Variants in ADAMTS6 observed in about 807,000 individuals in gnomAD.
The protein encoded by ADAMTS6 is ADAM metallopeptidase with thrombospondin type 1 motif 6, also known as A disintegrin and metalloproteinase with thrombospondin motifs 6.
A neutral mutation model predicts 144.3 loss-of-function variants in ADAMTS6; 23 were observed. The ratio of observed to expected loss-of-function variants is 0.16; its 90% CI spans 0.11 to 0.23. The LOEUF (loss-of-function observed/expected upper bound fraction) is 0.23. ADAMTS6 is among the 10% of genes least tolerant of loss of function. ADAMTS6 has a pLI of 1.00. For missense variants in ADAMTS6, 999 were observed against 1,379.6 expected (o/e 0.72, Z 4.37); for synonymous variants, 444 against 457.5 (o/e 0.97, Z 0.38).
chr5:65,367,296 T>C (rs1750392997), intron 7 of ADAMTS6, among the ~76,000 whole-genome samples: 1 of 152,154 alleles, frequency 6.6e-6, no homozygotes, highest in East Asian at 1.9e-4. Flanking sequence ...AGAGCATTCT[T>C]TATCCTGAGC....
At chr5:65,375,825 G>A (rs1370700199) in intron 7 of ADAMTS6, among the ~76,000 whole-genome samples, 2 of 152,018 alleles carry the variant, frequency 1.3e-5, no homozygotes, top group Non-Finnish European at 2.9e-5. Context: ...TGTTTATTAC[G>A]GCATTATTCA....
chr5:65,428,227 A>G (rs1485773239), intron 7 of ADAMTS6, among the ~76,000 whole-genome samples: 1 of 143,768 alleles, frequency 7.0e-6, no homozygotes, highest in East Asian at 2.0e-4. Flanking sequence ...CTCCATCTCA[A>G]AAAAAAAAAA....
At chr5:65,419,574 GA>G (rs1276691722) in intron 7 of ADAMTS6, among the ~76,000 whole-genome samples, 1 of 151,898 alleles carries the variant, frequency 6.6e-6, no homozygotes, top group Non-Finnish European at 1.5e-5. Flanking sequence ...ATTTTAAAAA[GA>G]AAAATATTTT....
intron 9 of ADAMTS6, among the ~76,000 whole-genome samples, chr5:65,321,674 T>C (rs1745620237): frequency 6.6e-6 from 1 of 151,480 alleles, no homozygotes; most frequent in South Asian, 2.1e-4. Flanking sequence ...TTTTGGGTTT[T>C]ACATCTAAGT....
intron 7 of ADAMTS6, among the ~76,000 whole-genome samples, chr5:65,363,139 C>T (rs1749978035): frequency 6.6e-6 from 1 of 152,074 alleles, no homozygotes; most frequent in Non-Finnish European, 1.5e-5. Context: ...TACTATAGTT[C>T]TCTGAGTACA....
intron 22 of ADAMTS6, among the ~76,000 whole-genome samples, chr5:65,183,664 T>A (rs79570600): frequency 4.0e-5 from 6 of 151,554 alleles, no homozygotes; most frequent in Admixed American, 3.9e-4. Context: ...AATAAAAAAA[T>A]AAAAATTTCT....
intron 21 of ADAMTS6, among the ~76,000 whole-genome samples, chr5:65,193,541 C>T (rs577031310): frequency 1.3e-5 from 2 of 152,034 alleles, no homozygotes; most frequent in Non-Finnish European, 2.9e-5. Flanking sequence ...GGGCTTTTCC[C>T]CTATAAAATA....
chr5:65,402,418 T>A (rs1580613607), intron 7 of ADAMTS6, among the ~76,000 whole-genome samples: 1 of 152,138 alleles, frequency 6.6e-6, no homozygotes, highest in East Asian at 1.9e-4. Flanking sequence ...ACCTTAGCAA[T>A]ACCCAACAAT....
rs181755538 is a variant in ADAMTS6 at position 65,313,862 on chromosome 5, A to G, written c.1224-13731T>C. ...ATTTTAGAGTTACACTTTACAACGC[A>G]AACATGCATCATTCATTAGCAATTA... On this transcript the variant is annotated intron_variant, in intron 9 of 24. Coordinates refer to ENST00000381055, the MANE Select transcript of ADAMTS6 (RefSeq NM_197941.4). Among the ~76,000 whole-genome samples, 6 of 152,240 alleles carry G rather than the reference A, an allele frequency of 3.9e-5. No individual in the cohort carries two copies. The South Asian group carries it at 8.3e-4, about 21-fold the overall frequency.
intron 15 of ADAMTS6, among the ~76,000 whole-genome samples, chr5:65,228,588 G>GA (rs796128052): frequency 0.012 from 1,738 of 146,842 alleles, 36 homozygotes; most frequent in African/African-American, 0.041. Context: ...TGCCATTGGA[G>GA]AAAAAAAAAA....
At chr5:65,445,675 C>T (rs1758225920) in intron 7 of ADAMTS6, among the ~76,000 whole-genome samples, 1 of 151,992 alleles carries the variant, frequency 6.6e-6, no homozygotes. Flanking sequence ...TCCCAGTGTA[C>T]ACAAGAAATT....
At chr5:65,263,284 C>A (rs937069913) in intron 12 of ADAMTS6, among the ~76,000 whole-genome samples, 2 of 151,586 alleles carry the variant, frequency 1.3e-5, no homozygotes, top group Non-Finnish European at 2.9e-5. Context: ...ACCTCAAAGT[C>A]TTTTTTAGAT....
intron 9 of ADAMTS6, among the ~76,000 whole-genome samples, chr5:65,304,109 C>T (rs1006038291): frequency 1.3e-5 from 2 of 152,124 alleles, no homozygotes; most frequent in African/African-American, 4.8e-5. Context: ...AGATAGTTAT[C>T]TCAAGGATTT....
chr5:65,249,012 CGTGT>C (rs139459475), intron 14 of ADAMTS6, among the ~76,000 whole-genome samples: 1 of 150,082 alleles, frequency 6.7e-6, no homozygotes, highest in Non-Finnish European at 1.5e-5. Flanking sequence ...TGTTTTTTGC[CGTGT>C]GTGTGTGTGT....
At chr5:65,255,963 G>A (rs1189881816) in intron 14 of ADAMTS6, among the ~76,000 whole-genome samples, 1 of 152,062 alleles carries the variant, frequency 6.6e-6, no homozygotes, top group East Asian at 1.9e-4. Context: ...AGACTCCTGG[G>A]TTCAAGTGAT....
At chr5:65,281,328 T>A (rs922138070) in intron 11 of ADAMTS6, among the ~76,000 whole-genome samples, 3 of 152,200 alleles carry the variant, frequency 2.0e-5, no homozygotes, top group African/African-American at 7.2e-5. Context: ...GGTTTACTTT[T>A]GTATTCCAAT....
In ADAMTS6 at chr5:65,481,560, T is replaced by C. The variant is rs1761208450; in HGVS notation, c.-497A>G. 1.3e-5 allele frequency: 2 copies of C among 152,008 alleles called. No homozygotes were observed. Among genetic ancestry groups the C allele is most frequent in the African/African-American group, 4.8e-5 (2 of 41,352 alleles). 9.4% of individuals were successfully genotyped at this position (152,008 alleles called of 1,614,324 possible). Reference sequence around the variant, plus strand: ...GGCTTTAGAGAACTGACTTTCCGATTTGGCAGAATAAGAGATGCCTTCAAT... The same window carrying C: ...GGCTTTAGAGAACTGACTTTCCGATCTGGCAGAATAAGAGATGCCTTCAAT... On this transcript the variant is annotated 5_prime_UTR_variant, in exon 1 of 25. Coordinates refer to ENST00000381055, the MANE Select transcript of ADAMTS6 (RefSeq NM_197941.4).
At chr5:65,332,312 T>TAGAGGG (rs1746831248) in intron 8 of ADAMTS6, among the ~76,000 whole-genome samples, 1 of 102,090 alleles carries the variant, frequency 9.8e-6, no homozygotes, top group Admixed American at 9.8e-5. Flanking sequence ...TATATATATA[T>TAGAGGG]AGAGAGAGAG....
chr5:65,460,286 T>A lies in ADAMTS6; in HGVS notation c.515A>T (p.Asn172Ile), dbSNP rs775214983. 1.4e-5 allele frequency: 23 copies of A among 1,613,954 alleles called. No homozygotes were observed. The highest frequency in any genetic ancestry group is 2.5e-6 in the Non-Finnish European group (3 of 1,179,892). The change falls in exon 4 of 25, where the codon AAT becomes ATT. Residue 172 changes from asparagine to isoleucine, a missense_variant. Asn to Ile is a moderately radical substitution (Grantham distance 149, BLOSUM62 -3). Transcript: ENST00000381055. The stretch of plus-strand genomic sequence containing the variant: ...AAAATGCTTGGAATCCTCTGTGGTA[T>A]TCTTTAAAGGTTCGATAAAATACTC... The part of the protein sequence containing the change: ...DEEYFIEPLK[N>I]TTEDSKHFSY...
Sources: allele counts gnomAD v4.1 joint callset (sites outside exome capture counted in the v4.1 genomes callset), GRCh38; gene constraint gnomAD v4.1.1; transcripts MANE v1.5; gene names NCBI Gene and HGNC (gene_info 2026-07-23, HGNC 2026-07-21).